PPIE: variants seen among roughly 807,000 people sequenced by gnomAD.
The protein encoded by PPIE is peptidylprolyl isomerase E, also known as peptidyl-prolyl cis-trans isomerase E.
Under a neutral mutation model 38.4 loss-of-function variants are expected in PPIE, and 20 were observed. That is an observed-to-expected ratio of 0.52 (90% CI 0.37 to 0.76). The LOEUF (loss-of-function observed/expected upper bound fraction) is 0.76, where lower values mean the gene tolerates loss of function less well. Ranked by LOEUF, PPIE falls within the 30% of genes least tolerant of loss-of-function variation. PPIE has a pLI of 0.00. For missense variants in PPIE, 322 were observed against 385.8 expected (o/e 0.83, Z 1.39); for synonymous variants, 142 against 135.7 (o/e 1.05, Z -0.32).
chr1:39,744,522 C>T (rs1337072940), intron 6 of PPIE, among the ~76,000 whole-genome samples: 1 of 152,214 alleles, frequency 6.6e-6, no homozygotes, highest in Non-Finnish European at 1.5e-5. Context: ...TCTCTCTTCT[C>T]TCAGCTGAAA....
downstream of PPIE, chr1:39,760,509 G>A (rs752621867): frequency 4.0e-5 from 64 of 1,614,026 alleles, no homozygotes; most frequent in Middle Eastern, 4.9e-4. Context: ...CAGAGGTGGC[G>A]CTCAGCTTGG....
downstream of PPIE, chr1:39,758,311 A>G (rs539008081): frequency 6.6e-6 from 1 of 152,266 alleles, no homozygotes; most frequent in South Asian, 2.1e-4. Context: ...GCTCACTGCA[A>G]CCTCCACCTC....
At position 39,756,602 on chromosome 1, in the gene PPIE, G is replaced by A; in HGVS notation, c.*3247G>A. The A allele has an allele frequency of 2.0e-6, 2 of 985,436 alleles. No homozygotes were observed. The highest frequency in any genetic ancestry group is 2.4e-6 in the Non-Finnish European group (2 of 829,924). 61.0% of individuals were successfully genotyped at this position (985,436 alleles called of 1,614,324 possible). A position where few individuals can be genotyped will look rare whatever the true frequency, so the allele number is the denominator to read the frequency against. ...CCAACTTTTTATTGTTGAAAATGGA[G>A]TCTTGTAGAGTTCAGTGATGGGAAA... On this transcript the variant is annotated 3_prime_UTR_variant, in exon 10 of 10. Coordinates refer to ENST00000324379, the MANE Select transcript of PPIE (RefSeq NM_006112.4).
At chr1:39,750,628 C>G (rs574401000) in intron 8 of PPIE, among the ~76,000 whole-genome samples, 2 of 152,188 alleles carry the variant, frequency 1.3e-5, no homozygotes, top group Non-Finnish European at 2.9e-5. Context: ...TTGGGATGCT[C>G]AGCCTGTACT....
At chr1:39,738,956 G>C (rs1395005684) in intron 1 of PPIE, 25 bp downstream of exon 1, 1 of 1,448,542 alleles carries the variant, frequency 6.9e-7, no homozygotes, top group Non-Finnish European at 9.1e-7. Flanking sequence ...TTGCTAGGCG[G>C]AGTCTGAGTG....
rs1648300334 is a variant in PPIE at position 39,756,627 on chromosome 1, A to G, written c.*3272A>G. 1 of 984,952 alleles carries G rather than the reference A, an allele frequency of 1.0e-6. No homozygotes were observed. The highest frequency in any genetic ancestry group is 1.7e-5 in the African/African-American group (1 of 57,226). The allele number at this position is 984,952 out of a possible 1,614,324, so 61.0% of individuals were successfully genotyped here. A position where few individuals can be genotyped will look rare whatever the true frequency, so the allele number is the denominator to read the frequency against. On this transcript the variant is annotated 3_prime_UTR_variant, in exon 10 of 10. Transcript: ENST00000324379. ...GTCTTGTAGAGTTCAGTGATGGGAA[A>G]CTAAAGTAGAAAAAGCACATCACAA...
downstream of PPIE, chr1:39,757,468 T>G (rs1053846): frequency 0.18 from 26,940 of 152,310 alleles, 3,072 homozygotes; most frequent in South Asian, 0.33. Flanking sequence ...CCAGAACATG[T>G]TACTTCCCTG....
chr1:39,753,194 G>A (rs914126660), intron 9 of PPIE, 93 bp from the exon 10 acceptor site: 21 of 1,588,278 alleles, frequency 1.3e-5, no homozygotes, highest in Non-Finnish European at 1.7e-5. Flanking sequence ...CAGGTTCCGG[G>A]GTGGAAGTGG....
chr1:39,745,242 C>A, intron 6 of PPIE, 133 bp from the exon 7 acceptor site: 1 of 1,253,318 alleles, frequency 8.0e-7, no homozygotes, highest in East Asian at 2.4e-5. Flanking sequence ...TATCAGGGCC[C>A]AAGGCCTTCC....
In PPIE at chr1:39,752,962, C is replaced by G. The variant is rs1466531290; in HGVS notation, c.747C>G (p.Phe249Leu). The stretch of plus-strand genomic sequence containing the variant: ...CAAACACCAATGGCTCTCAGTTCTT[C>G]CTGACATGTGACAAGACAGACTGGC... ...SGPNTNGSQFFLTCDKTDWLD... is the reference protein window; with the variant it reads ...SGPNTNGSQFLLTCDKTDWLD... Residue 249 changes from phenylalanine to leucine, a missense_variant, in exon 9 of 10, where the codon TTC becomes TTG. Phe to Leu is a conservative substitution (Grantham distance 22, BLOSUM62 0). Transcript: ENST00000324379. The G allele has an allele frequency of 1.9e-6, 3 of 1,614,110 alleles. No individual in the cohort carries two copies. The highest frequency in any genetic ancestry group is 2.5e-6 in the Non-Finnish European group (3 of 1,180,046).
At chr1:39,751,212 C>A (rs1249349474) in intron 8 of PPIE, among the ~76,000 whole-genome samples, 1 of 152,200 alleles carries the variant, frequency 6.6e-6, no homozygotes, top group East Asian at 1.9e-4. Flanking sequence ...ATAGTAGTTA[C>A]ATTCCTAGAA....
chr1:39,756,244 A>G lies in PPIE; in HGVS notation c.*2889A>G, dbSNP rs902548390. 2 of 985,370 alleles carry G rather than the reference A, an allele frequency of 2.0e-6. No individual in the cohort carries two copies. The highest frequency in any genetic ancestry group is 2.4e-6 in the Non-Finnish European group (2 of 829,946). 61.0% of individuals were successfully genotyped at this position (985,370 alleles called of 1,614,324 possible). A position where few individuals can be genotyped will look rare whatever the true frequency, so the allele number is the denominator to read the frequency against. On this transcript the variant is annotated 3_prime_UTR_variant, in exon 10 of 10. Coordinates refer to ENST00000324379, the MANE Select transcript of PPIE (RefSeq NM_006112.4). Reference sequence around the variant, plus strand: ...CGTCCTTTCCTGCAGCCTGGAGAGCAAAGCGGCTTTCCCTGGGACTGTGTG... The same window carrying G: ...CGTCCTTTCCTGCAGCCTGGAGAGCGAAGCGGCTTTCCCTGGGACTGTGTG...
chr1:39,741,230 C>T (rs1330356821), intron 2 of PPIE, 136 bp from the exon 3 acceptor site: 2 of 713,662 alleles, frequency 2.8e-6, no homozygotes, highest in Non-Finnish European at 4.9e-6. Context: ...GAATGAGATT[C>T]CTTCTTCCTA....
intron 1 of PPIE, chr1:39,739,180 C>G: frequency 2.5e-6 from 1 of 407,380 alleles, no homozygotes; most frequent in Non-Finnish European, 4.3e-6. Context: ...CTTCCCGATT[C>G]GCTGGGTCTC....
chr1:39,741,845 G>A, intron 3 of PPIE, 50 bp from the exon 4 acceptor site: 3 of 1,611,532 alleles, frequency 1.9e-6, no homozygotes, highest in South Asian at 1.1e-5. Context: ...GACACCATAA[G>A]AAGCATTTGG....
chr1:39,752,374 C>T (rs1647819824), intron 8 of PPIE, among the ~76,000 whole-genome samples: 1 of 152,220 alleles, frequency 6.6e-6, no homozygotes, highest in Non-Finnish European at 1.5e-5. Context: ...TCTTCCTCCT[C>T]CTCTTCCCTG....
chr1:39,755,862 A>C lies in PPIE; in HGVS notation c.*2507A>C, dbSNP rs571765046. 2 of 985,262 alleles carry C rather than the reference A, an allele frequency of 2.0e-6. No individual in the cohort carries two copies. The highest frequency in any genetic ancestry group is 3.5e-5 in the African/African-American group (2 of 57,228). 61.0% of individuals were successfully genotyped at this position (985,262 alleles called of 1,614,324 possible). ...TGAGGCTTTATTGGCGTGACTGCCA[A>C]AGGTCACACAGGGTGGTTTGGCAGA... On this transcript the variant is annotated 3_prime_UTR_variant, in exon 10 of 10. Transcript: ENST00000324379.
chr1:39,742,327 T>G, intron 4 of PPIE: 1 of 166,704 alleles, frequency 6.0e-6, no homozygotes, highest in Non-Finnish European at 1.3e-5. Context: ...GATTTGGATA[T>G]TCTGGAAAGG....
Position 39,762,782 on chromosome 1 carries a change from T to A in PPIE, c.838-907T>A, listed in dbSNP as rs946879375. 1.1e-5 allele frequency: 14 copies of A among 1,315,600 alleles called. No homozygotes were observed. In the African/African-American group the frequency reaches 1.5e-4, roughly 14 times the overall value. The allele number at this position is 1,315,600 out of a possible 1,614,324, so 81.5% of individuals were successfully genotyped here. ...ACACAGTGTACACATCTGTTTCATG[T>A]GCTGTGCCTCTGAGCGCTGCACACA... On this transcript the variant is annotated intron_variant, in intron 9 of 9. Transcript: ENST00000356511.
Sources: allele counts gnomAD v4.1 joint callset (sites outside exome capture counted in the v4.1 genomes callset), GRCh38; gene constraint gnomAD v4.1.1; transcripts MANE v1.5; gene names NCBI Gene and HGNC (gene_info 2026-07-23, HGNC 2026-07-21).